The following ADARB2 variants were observed in gnomAD, a reference collection of about 807,000 sequenced individuals.
ADARB2 encodes the protein adenosine deaminase RNA specific B2 (inactive).
In ADARB2, 25 loss-of-function variants were observed where a neutral mutation model predicts 62.2. That is an observed-to-expected ratio of 0.40 (90% confidence interval 0.29 to 0.56). The LOEUF (loss-of-function observed/expected upper bound fraction) is 0.56. Ranked by LOEUF, ADARB2 falls within the 20% of genes least tolerant of loss-of-function variation. ADARB2 has a pLI of 0.43. For missense variants in ADARB2, 1,071 were observed against 1,077.4 expected, an observed-to-expected ratio of 0.99 and a Z score of 0.08; for synonymous variants, 572 against 500.8, an observed-to-expected ratio of 1.14 and a Z score of -1.90.
At chr10:1,538,892 G>T (rs1410747686) in intron 1 of ADARB2, among the ~76,000 whole-genome samples, 1 of 152,236 alleles carries the variant, frequency 6.6e-6, no homozygotes, top group Non-Finnish European at 1.5e-5. Flanking sequence ...CTGCCCAGAA[G>T]TTCACACTGC....
chr10:1,714,685 A>G (rs901955786), intron 1 of ADARB2, among the ~76,000 whole-genome samples: 2 of 152,170 alleles, frequency 1.3e-5, no homozygotes, highest in Admixed American at 6.5e-5. Context: ...CTGCCTTTGC[A>G]GACCTGACAC....
chr10:1,289,454 C>T (rs772493898), intron 3 of ADARB2, among the ~76,000 whole-genome samples: 8 of 152,168 alleles, frequency 5.3e-5, no homozygotes, highest in East Asian at 1.9e-4. Flanking sequence ...TTTGGGTTCA[C>T]GTTGGGGACC....
At chr10:1,715,056 T>C (rs1366098442) in intron 1 of ADARB2, among the ~76,000 whole-genome samples, 1 of 144,402 alleles carries the variant, frequency 6.9e-6, no homozygotes, top group Non-Finnish European at 1.5e-5. Flanking sequence ...AAGGGGCTTT[T>C]ATCATCATCA....
At chr10:1,507,258 G>A (rs1329775171) in intron 1 of ADARB2, among the ~76,000 whole-genome samples, 1 of 152,254 alleles carries the variant, frequency 6.6e-6, no homozygotes, top group East Asian at 1.9e-4. Context: ...AGTGGGCTCA[G>A]ATGTGCTGGC....
intron 3 of ADARB2, among the ~76,000 whole-genome samples, chr10:1,345,523 C>G (rs1832073139): frequency 6.6e-6 from 1 of 152,124 alleles, no homozygotes; most frequent in South Asian, 2.1e-4. Flanking sequence ...CTCAACTGAC[C>G]CCATGTCCTC....
At chr10:1,276,302 C>T (rs1053704918) in intron 3 of ADARB2, among the ~76,000 whole-genome samples, 17 of 152,072 alleles carry the variant, frequency 1.1e-4, no homozygotes, top group African/African-American at 3.9e-4. Context: ...GCATAAATGT[C>T]TTCTTTTGAG....
chr10:1,454,407 C>T (rs1290043516), intron 1 of ADARB2, among the ~76,000 whole-genome samples: 1 of 152,194 alleles, frequency 6.6e-6, no homozygotes, highest in Non-Finnish European at 1.5e-5. Flanking sequence ...ATATTAATGG[C>T]AGCACAATTT....
At chr10:1,492,443 G>A (rs1288600566) in intron 1 of ADARB2, among the ~76,000 whole-genome samples, 2 of 152,124 alleles carry the variant, frequency 1.3e-5, no homozygotes, top group Admixed American at 6.6e-5. Flanking sequence ...ACCACGTGAC[G>A]CTAAGGCAGA....
chr10:1,590,565 G>T (rs1431582625), intron 1 of ADARB2, among the ~76,000 whole-genome samples: 1 of 152,172 alleles, frequency 6.6e-6, no homozygotes, highest in Non-Finnish European at 1.5e-5. Flanking sequence ...TGTCATCGTG[G>T]TTCCCCTCTG....
At chr10:1,342,242 C>T (rs4880497) in intron 3 of ADARB2, among the ~76,000 whole-genome samples, 34,172 of 152,022 alleles carry the variant, frequency 0.22, 4,708 homozygotes, top group Middle Eastern at 0.37. Flanking sequence ...TTAAAACCAC[C>T]CTGTGATAGA....
In ADARB2 at chr10:1,217,012, A is replaced by G; in HGVS notation, c.1621T>C (p.Trp541Arg). 6.2e-7 allele frequency: 1 copy of G among 1,611,500 alleles called. No individual in the cohort carries two copies. Among genetic ancestry groups the G allele is most frequent in the East Asian group, 2.2e-5 (1 of 44,860 alleles). ...PVRGPSAVQTWDGVLLGEQLI... is the reference protein window; with the variant it reads ...PVRGPSAVQTRDGVLLGEQLI... ...TGCTCCCCCAGCAGGACGCCGTCCCAGGTCTGCACTGCGCTGGGGCCACGC... is the reference window on the plus strand; with the variant it reads ...TGCTCCCCCAGCAGGACGCCGTCCCGGGTCTGCACTGCGCTGGGGCCACGC... Residue 541 changes from tryptophan to arginine, a missense_variant, in exon 7 of 10, where the codon TGG becomes CGG. Transcript: ENST00000381312.
At chr10:1,646,302 T>C (rs11595576) in intron 1 of ADARB2, among the ~76,000 whole-genome samples, 85,236 of 151,932 alleles carry the variant, frequency 0.56, 24,970 homozygotes, top group Non-Finnish European at 0.65. Context: ...CAAAATGGCA[T>C]GAAAGCTCAA....
At chr10:1,627,300 C>T (rs1442644756) in intron 1 of ADARB2, among the ~76,000 whole-genome samples, 5 of 152,176 alleles carry the variant, frequency 3.3e-5, no homozygotes, top group Admixed American at 6.5e-5. Flanking sequence ...TGACTCCATT[C>T]GGAGAGCAGG....
chr10:1,272,863 G>A (rs147406899), intron 3 of ADARB2, among the ~76,000 whole-genome samples: 296 of 152,316 alleles, frequency 1.9e-3, no homozygotes, highest in Admixed American at 3.7e-3. Flanking sequence ...TCATCCCCCC[G>A]AAGCTCTGGA....
At chr10:1,282,120 A>G (rs1035542458) in intron 3 of ADARB2, among the ~76,000 whole-genome samples, 4 of 152,112 alleles carry the variant, frequency 2.6e-5, no homozygotes, top group Non-Finnish European at 2.9e-5. Flanking sequence ...CTGAGTAATT[A>G]ATCTCTTTCT....
chr10:1,433,334 C>G (rs1442834799), intron 1 of ADARB2, among the ~76,000 whole-genome samples: 1 of 152,154 alleles, frequency 6.6e-6, no homozygotes, highest in East Asian at 1.9e-4. Flanking sequence ...CACTGCCCCA[C>G]AAGCCTGCAG....
chr10:1,478,736 G>A (rs1831432532), intron 1 of ADARB2, among the ~76,000 whole-genome samples: 1 of 149,518 alleles, frequency 6.7e-6, no homozygotes, highest in Non-Finnish European at 1.5e-5. Flanking sequence ...TCGGACGGGA[G>A]AGCGCCAAAA....
chr10:1,579,915 C>T (rs57751614), intron 1 of ADARB2, among the ~76,000 whole-genome samples: 2,730 of 152,266 alleles, frequency 0.018, 75 homozygotes, highest in African/African-American at 0.062. Flanking sequence ...CTCTAGCAGC[C>T]GCTCACCTTT....
At chr10:1,229,145 T>C (rs775915769) in intron 6 of ADARB2, among the ~76,000 whole-genome samples, 6 of 152,184 alleles carry the variant, frequency 3.9e-5, no homozygotes, top group Admixed American at 1.3e-4. Flanking sequence ...TTGGCATTGA[T>C]ACCATGTCTG....
Sources: gnomAD v4.1 joint callset for allele counts (sites outside exome capture counted in the v4.1 genomes callset) on GRCh38, gnomAD v4.1.1 for gene constraint, MANE v1.5 for transcripts, NCBI Gene and HGNC (gene_info 2026-07-23, HGNC 2026-07-21) for gene names.